The following CDH18 variants were observed in gnomAD, a reference collection of about 807,000 sequenced individuals.
CDH18 encodes the protein cadherin-18.
Under a neutral mutation model 67.9 loss-of-function variants are expected in CDH18, and 31 were observed. The observed-to-expected ratio is 0.46, with a 90% confidence interval of 0.34 to 0.62. The LOEUF (loss-of-function observed/expected upper bound fraction) is 0.62. Ranked by LOEUF, CDH18 falls within the 20% of genes least tolerant of loss-of-function variation. The probability of loss-of-function intolerance (pLI) is 0.01; values close to 1 mark genes in which losing one functional copy is unlikely to be tolerated. For synonymous variants in CDH18, 362 were observed against 347.2 expected (o/e 1.04, Z -0.48); for missense variants, 890 against 975.5 (o/e 0.91, Z 1.17).
At chr5:20,413,246 A>G (rs1746955813) in intron 1 of CDH18, among the ~76,000 whole-genome samples, 1 of 152,170 alleles carries the variant, frequency 6.6e-6, no homozygotes, top group Non-Finnish European at 1.5e-5. Flanking sequence ...AGTCTTCACT[A>G]TTGTGAATAG....
intron 5 of CDH18, among the ~76,000 whole-genome samples, chr5:19,698,587 G>GAT (rs1561078343): frequency 6.6e-6 from 1 of 151,848 alleles, no homozygotes; most frequent in African/African-American, 2.4e-5. Context: ...ATTATAAGTA[G>GAT]ATAGAATGTT....
chr5:19,773,930 A>G (rs1265660099), intron 3 of CDH18, among the ~76,000 whole-genome samples: 1 of 152,222 alleles, frequency 6.6e-6, no homozygotes, highest in African/African-American at 2.4e-5. Context: ...ATGAAAAGAG[A>G]AGATAAACAC....
At chr5:20,114,827 G>A (rs539369094) in intron 2 of CDH18, among the ~76,000 whole-genome samples, 2 of 152,144 alleles carry the variant, frequency 1.3e-5, no homozygotes, top group African/African-American at 4.8e-5. Flanking sequence ...AGCCAGAATC[G>A]TCTCTCACTT....
chr5:19,958,809 G>T (rs57496680), intron 2 of CDH18, among the ~76,000 whole-genome samples: 2 of 151,998 alleles, frequency 1.3e-5, no homozygotes, highest in Non-Finnish European at 2.9e-5. Flanking sequence ...GTGTTGCATC[G>T]CATTTTATGG....
intron 4 of CDH18, among the ~76,000 whole-genome samples, chr5:19,727,400 G>T (rs1198955817): frequency 3.9e-5 from 6 of 152,178 alleles, no homozygotes; most frequent in African/African-American, 1.2e-4. Context: ...GAAGATGAAT[G>T]TAAATATCAG....
intron 3 of CDH18, among the ~76,000 whole-genome samples, chr5:19,820,092 G>A (rs901839179): frequency 1.3e-5 from 2 of 152,146 alleles, no homozygotes; most frequent in African/African-American, 4.8e-5. Flanking sequence ...TCTGGGACTT[G>A]TGCTCAAGTT....
At chr5:20,097,972 G>T (rs892699289) in intron 2 of CDH18, among the ~76,000 whole-genome samples, 1 of 151,714 alleles carries the variant, frequency 6.6e-6, no homozygotes, top group South Asian at 2.1e-4. Flanking sequence ...TATATCTTTC[G>T]ATTAGATTAT....
At chr5:19,830,929 G>C (rs865795929) in intron 3 of CDH18, among the ~76,000 whole-genome samples, 1 of 151,938 alleles carries the variant, frequency 6.6e-6, no homozygotes. Flanking sequence ...ACAAACTAAC[G>C]CAGGAAGAGA....
intron 1 of CDH18, among the ~76,000 whole-genome samples, chr5:20,362,663 A>G (rs1228580632): frequency 3.9e-5 from 6 of 152,166 alleles, no homozygotes; most frequent in Non-Finnish European, 5.9e-5. Context: ...CAAACTGTCT[A>G]GGGAGAGTCA....
At chr5:19,857,634 T>C (rs1784451853) in intron 2 of CDH18, among the ~76,000 whole-genome samples, 1 of 152,120 alleles carries the variant, frequency 6.6e-6, no homozygotes, top group Non-Finnish European at 1.5e-5. Flanking sequence ...AACACTGCAT[T>C]GTGAATCATG....
intron 2 of CDH18, among the ~76,000 whole-genome samples, chr5:20,093,208 C>T (rs1745592745): frequency 1.3e-5 from 2 of 151,774 alleles, no homozygotes; most frequent in South Asian, 4.2e-4. Flanking sequence ...CCATCTCACT[C>T]ACACACATAC....
chr5:19,939,554 C>A (rs1794620755), intron 2 of CDH18, among the ~76,000 whole-genome samples: 1 of 151,680 alleles, frequency 6.6e-6, no homozygotes, highest in African/African-American at 2.4e-5. Context: ...AAAGTGCTGA[C>A]AATTTTTGAT....
At chr5:20,220,539 G>A (rs2126445604) in intron 2 of CDH18, among the ~76,000 whole-genome samples, 1 of 151,926 alleles carries the variant, frequency 6.6e-6, no homozygotes, top group African/African-American at 2.4e-5. Context: ...GAAAATATTG[G>A]GGAAACTCCA....
At chr5:20,221,791 A>G (rs1254625632) in intron 2 of CDH18, among the ~76,000 whole-genome samples, 1 of 152,140 alleles carries the variant, frequency 6.6e-6, no homozygotes, top group Admixed American at 6.6e-5. Flanking sequence ...AATAAATAAC[A>G]ACAAAAATCA....
chr5:20,551,663 C>A (rs1757640369), intron 1 of CDH18, among the ~76,000 whole-genome samples: 1 of 152,114 alleles, frequency 6.6e-6, no homozygotes, highest in African/African-American at 2.4e-5. Context: ...CATTATAAGA[C>A]TAGTTATTAT....
intron 2 of CDH18, among the ~76,000 whole-genome samples, chr5:19,856,756 C>T (rs1784328394): frequency 6.6e-6 from 1 of 151,620 alleles, no homozygotes; most frequent in Non-Finnish European, 1.5e-5. Flanking sequence ...CGGGAGAAAA[C>T]TTCTTCGGGA....
intron 5 of CDH18, among the ~76,000 whole-genome samples, chr5:19,614,688 T>A (rs182338967): frequency 1.3e-5 from 2 of 152,200 alleles, no homozygotes; most frequent in South Asian, 4.1e-4. Context: ...AAAATAGATA[T>A]GTAAAGGTAA....
At position 20,100,080 on chromosome 5, in the gene CDH18, C is replaced by T. The variant is rs925849103; in HGVS notation, c.-517-108066G>A. On this transcript the variant is annotated intron_variant, in intron 2 of 14. Coordinates refer to the CDH18 transcript ENST00000507958. Reference sequence around the variant, plus strand: ...GGATTACAGGGTGAGCCACCATGCCCGGTTTCTAATTTTTGAATATCAGTT... The same window carrying T: ...GGATTACAGGGTGAGCCACCATGCCTGGTTTCTAATTTTTGAATATCAGTT... Among the ~76,000 whole-genome samples, 17 of 152,060 alleles carry T rather than the reference C, an allele frequency of 1.1e-4. No homozygotes were observed. In the East Asian group the frequency reaches 2.9e-3, roughly 26 times the overall value.
At chr5:20,505,387 T>C (rs1754598110) in intron 1 of CDH18, among the ~76,000 whole-genome samples, 1 of 152,214 alleles carries the variant, frequency 6.6e-6, no homozygotes, top group Non-Finnish European at 1.5e-5. Flanking sequence ...AGATGGCATA[T>C]ATTTAAAGGT....
Sources: allele counts gnomAD v4.1 joint callset (sites outside exome capture counted in the v4.1 genomes callset), GRCh38; gene constraint gnomAD v4.1.1; transcripts MANE v1.5; gene names NCBI Gene and HGNC (gene_info 2026-07-23, HGNC 2026-07-21).